The following CCNL2 variants were observed in gnomAD, a reference collection of about 807,000 sequenced individuals.
CCNL2 encodes the protein cyclin-L2.
Under a neutral mutation model 59.1 loss-of-function variants are expected in CCNL2, and 28 were observed. The observed-to-expected ratio is 0.47, with a 90% CI of 0.35 to 0.65. The LOEUF is 0.65. Ranked by LOEUF, CCNL2 falls within the 30% of genes least tolerant of loss-of-function variation. CCNL2 has a pLI of 0.00. For synonymous variants in CCNL2, 342 were observed against 288.6 expected (o/e 1.19, Z -1.88); for missense variants, 714 against 717.4 (o/e 1.00, Z 0.05).
rs2100364376 is a variant in CCNL2 at position 1,398,328 on chromosome 1, G to A, written c.378C>T (p.Ala126=). ...VKHSMEHVSM[A]CVHLASKIEE... ...CTATCTTGGAAGCCAGGTGGACACA[G>A]GCCATTGACACATGCTGAAGCGGAA... Residue 126 remains alanine (A), a synonymous_variant, in exon 3 of 11, where the codon GCC becomes GCT. Transcript: ENST00000400809. 1 of 1,614,156 alleles carries A rather than the reference G, an allele frequency of 6.2e-7. No homozygotes were observed. The highest frequency in any genetic ancestry group is 8.5e-7 in the Non-Finnish European group (1 of 1,180,026).
intron 4 of CCNL2, among the ~76,000 whole-genome samples, chr1:1,393,999 G>A (rs1159197099): frequency 1.3e-5 from 2 of 152,142 alleles, no homozygotes; most frequent in East Asian, 1.9e-4. Context: ...GGTGGTGCAC[G>A]CCTGTAATCC....
Position 1,398,614 on chromosome 1 carries a change from C to A in CCNL2, c.346G>T (p.Val116Leu). 1 of 1,613,920 alleles carries A rather than the reference C, an allele frequency of 6.2e-7. No individual in the cohort carries two copies. Among genetic ancestry groups the A allele is most frequent in the Non-Finnish European group, 8.5e-7 (1 of 1,179,916 alleles). Reference sequence around the variant, plus strand: ...AGCCTTACCTCCATGGAGTGCTTCACGAAGGACTTGGTATAAAAGAACCGC... The same window carrying A: ...AGCCTTACCTCCATGGAGTGCTTCAAGAAGGACTTGGTATAAAAGAACCGC... The part of the protein sequence containing the change: ...FQRFFYTKSF[V>L]KHSMEHVSMA... The change falls in exon 2 of 11, where the codon GTG (valine) becomes TTG (leucine). Residue 116 changes from valine to leucine, a missense_variant. Val to Leu is a conservative substitution (Grantham distance 32, BLOSUM62 1). Transcript: ENST00000400809.
intron 5 of CCNL2, chr1:1,391,783 G>T: frequency 3.0e-6 from 1 of 334,728 alleles, no homozygotes; most frequent in Non-Finnish European, 5.8e-6. Context: ...AGATCTCTAA[G>T]ATTTAATAGA....
intron 5 of CCNL2, chr1:1,391,199 G>A (rs1557718415): frequency 3.6e-6 from 4 of 1,122,468 alleles, no homozygotes; most frequent in South Asian, 2.6e-5. Flanking sequence ...TGCAAAGCAC[G>A]ATGCCTCAGA....
At chr1:1,391,592 A>G in intron 5 of CCNL2, 3 of 1,299,458 alleles carry the variant, frequency 2.3e-6, no homozygotes, top group Non-Finnish European at 3.0e-6. Context: ...ATGAACATTC[A>G]TAGAATCAGA....
chr1:1,388,217 C>G, intron 8 of CCNL2, 152 bp from the exon 9 acceptor site: 1 of 634,462 alleles, frequency 1.6e-6, no homozygotes, highest in Non-Finnish European at 2.8e-6. Context: ...AGAACTTACA[C>G]AGACATCACA....
chr1:1,390,113 C>G (rs916967772), intron 8 of CCNL2, 117 bp downstream of exon 8: 1 of 615,416 alleles, frequency 1.6e-6, no homozygotes, highest in African/African-American at 2.8e-5. Flanking sequence ...GACCCTGTCT[C>G]AAAAAAAAAA....
At position 1,387,799 on chromosome 1, in the gene CCNL2, G is replaced by C. The variant is rs1210725632; in HGVS notation, c.1189C>G (p.Arg397Gly). The C allele has an allele frequency of 1.1e-5, 17 of 1,613,006 alleles. No individual in the cohort carries two copies. The highest frequency in any genetic ancestry group is 1.3e-5 in the Non-Finnish European group (15 of 1,179,688). ...REQSYSRSPS[R>G]SASPKRRKSD... The stretch of plus-strand genomic sequence containing the variant: ...CACCTCCTCTTAGGAGACGCTGATC[G>C]GGATGGGGACCTCGAGTAGCTCTGC... The change falls in exon 10 of 11, where the codon CGA (arginine) becomes GGA (glycine). Residue 397 changes from arginine to glycine, a missense_variant. Physicochemically the swap from Arg to Gly is moderately radical, Grantham distance 125. Coordinates refer to ENST00000400809, the MANE Select transcript of CCNL2 (RefSeq NM_030937.6).
At chr1:1,391,761 A>G in intron 5 of CCNL2, 1 of 349,894 alleles carries the variant, frequency 2.9e-6, no homozygotes, top group Non-Finnish European at 5.6e-6. Context: ...CTACATTTTG[A>G]GCATTTCCTT....
rs1644469467 is a variant in CCNL2, at chr1:1,386,694, T to A, written c.*537A>T. ...CTGACGGGATTCAAGTTCTGAGTTT[T>A]CATACATAGCTTTAACTTGTATTAA... On this transcript the variant is annotated 3_prime_UTR_variant, in exon 11 of 11. Transcript: ENST00000400809. The A allele has an allele frequency of 6.5e-6, 1 of 152,912 alleles. No homozygotes were observed. The highest frequency in any genetic ancestry group is 1.5e-5 in the Non-Finnish European group (1 of 68,208). 9.5% of individuals were successfully genotyped at this position (152,912 alleles called of 1,614,324 possible). A position where few individuals can be genotyped will look rare whatever the true frequency, so the allele number is the denominator to read the frequency against.
intron 3 of CCNL2, among the ~76,000 whole-genome samples, chr1:1,396,746 AT>A (rs1032549725): frequency 7.9e-5 from 11 of 139,712 alleles, no homozygotes; most frequent in African/African-American, 1.6e-4. Context: ...CACCCGGCTA[AT>A]TTTTTTTTTA....
chr1:1,394,703 T>C (rs1341564918), intron 4 of CCNL2, among the ~76,000 whole-genome samples: 1 of 142,438 alleles, frequency 7.0e-6, no homozygotes, highest in Non-Finnish European at 1.5e-5. Flanking sequence ...TGAGCCAAGA[T>C]TGCACCACTG....
At chr1:1,392,483 C>A in intron 5 of CCNL2, 1 of 1,258,626 alleles carries the variant, frequency 7.9e-7, no homozygotes, top group Admixed American at 3.9e-5. Flanking sequence ...CACAGCTTTC[C>A]ATAGCATTTT....
intron 1 of CCNL2, 40 bp from the exon 2 acceptor site, chr1:1,398,711 T>C (rs1280472649): frequency 3.2e-6 from 5 of 1,574,230 alleles, no homozygotes; most frequent in Non-Finnish European, 4.4e-6. Flanking sequence ...AAACGCACCA[T>C]TCAAAGCCTT....
chr1:1,390,251 A>G lies in CCNL2; in HGVS notation c.985T>C (p.Phe329Leu), dbSNP rs1339643163. The change falls in exon 8 of 11, where the codon TTC (phenylalanine) becomes CTC (leucine). Residue 329 changes from phenylalanine (F) to leucine (L), a missense_variant. Transcript: ENST00000400809. The stretch of plus-strand genomic sequence containing the variant: ...TCACCCAGCTTGGGGGCAGGAGAGA[A>G]CCCCGAGGTACCATCCAGCACCTGT... ...GTQVLDGTSG[F>L]SPAPKLVESP... The G allele has an allele frequency of 3.0e-5, 49 of 1,610,606 alleles. No homozygotes were observed. The highest frequency in any genetic ancestry group is 4.2e-5 in the Non-Finnish European group (49 of 1,177,274).
chr1:1,392,074 AC>A (rs1644790160), intron 5 of CCNL2: 1 of 161,182 alleles, frequency 6.2e-6, no homozygotes, highest in African/African-American at 2.4e-5. Flanking sequence ...TCTTGGAGAC[AC>A]CCGGCTCTGG....
chr1:1,399,246 C>T lies in CCNL2; in HGVS notation c.61G>A (p.Gly21Ser), dbSNP rs544184586. Residue 21 changes from glycine to serine, a missense_variant, in exon 1 of 11, where the codon GGC becomes AGC. Physicochemically the swap from Gly to Ser is moderately conservative, Grantham distance 56 (BLOSUM62 0). This residue lies in a region of CCNL2 where 270 missense variants were observed against 254.9 expected (regional missense o/e 1.06). Transcript: ENST00000400809. ...GGTGCGCCCCCAGATCCCGGGGCGC[C>T]GGCCGCTGCCGCGGGAGCTGCCGAC... ...AGSAAPAAAA[G>S]APGSGGAPSG... 3 of 1,586,896 alleles carry T rather than the reference C, an allele frequency of 1.9e-6. No homozygotes were observed. Among genetic ancestry groups the T allele is most frequent in the South Asian group, 2.3e-5 (2 of 88,600 alleles).
chr1:1,387,500 C>T lies in CCNL2; in HGVS notation c.1294G>A (p.Ala432Thr), dbSNP rs1644518084. The T allele has an allele frequency of 1.9e-6, 3 of 1,586,172 alleles. No homozygotes were observed. The highest frequency in any genetic ancestry group is 2.7e-5 in the African/African-American group (2 of 73,788). ...CCTTTGTAGGGAGCGCTGCGGGGGG[C>T]CTGTCTCGGTGGGGAGTCACTCCTG... ...RSRSDSPPRQAPRSAPYKGSE... is the reference protein window; with the variant it reads ...RSRSDSPPRQTPRSAPYKGSE... The change falls in exon 11 of 11, where the codon GCC becomes ACC. Residue 432 changes from alanine (A) to threonine (T), a missense_variant. Physicochemically the swap from Ala to Thr is moderately conservative, Grantham distance 58 (BLOSUM62 0). Transcript: ENST00000400809.
chr1:1,392,902 C>T (rs1038505662), intron 5 of CCNL2: 1 of 1,209,488 alleles, frequency 8.3e-7, no homozygotes, highest in African/African-American at 1.5e-5. Context: ...ATGACCCTTA[C>T]AGACTTAACT....
Sources: gnomAD v4.1 joint callset for allele counts (sites outside exome capture counted in the v4.1 genomes callset) on GRCh38, gnomAD v4.1.1 for gene constraint, gnomAD v4.1.1 regional missense constraint, MANE v1.5 for transcripts, NCBI Gene and HGNC (gene_info 2026-07-23, HGNC 2026-07-21) for gene names.